CHIT1: variants seen among roughly 807,000 people sequenced by gnomAD.
CHIT1 encodes chitotriosidase-1.
Under a neutral mutation model 52.0 loss-of-function variants are expected in CHIT1, and 47 were observed. The ratio of observed to expected loss-of-function variants is 0.90; its 90% CI spans 0.71 to 1.15. CHIT1 has a LOEUF of 1.15. Ranked by LOEUF, CHIT1 falls within the 50% of genes most tolerant of loss-of-function variation. The pLI, the probability that CHIT1 is intolerant of heterozygous loss-of-function variation, is 0.00. For missense variants in CHIT1, 569 were observed against 583.0 expected, an observed-to-expected ratio of 0.98 and a Z score of 0.25; for synonymous variants, 242 against 228.2, an observed-to-expected ratio of 1.06 and a Z score of -0.54.
At chr1:203,222,366 G>C in intron 6 of CHIT1, 41 bp from the exon 7 acceptor site, 3 of 1,613,868 alleles carry the variant, frequency 1.9e-6, no homozygotes, top group Non-Finnish European at 2.5e-6. Context: ...ACAAGGGATT[G>C]GGGGTGGGGT....
chr1:203,225,554 G>A (rs997025653), intron 3 of CHIT1, 115 bp downstream of exon 3: 2 of 1,087,132 alleles, frequency 1.8e-6, no homozygotes, highest in African/African-American at 3.1e-5. Context: ...CTTGCCCAAA[G>A]CCACACAGTG....
intron 4 of CHIT1, among the ~76,000 whole-genome samples, chr1:203,224,096 C>T (rs1656841212): frequency 6.6e-6 from 1 of 152,186 alleles, no homozygotes. Context: ...TCTCTAATTC[C>T]TTTACTAAGG....
chr1:203,227,731 A>G (rs1656976668), intron 2 of CHIT1, among the ~76,000 whole-genome samples: 1 of 152,230 alleles, frequency 6.6e-6, no homozygotes, highest in South Asian at 2.1e-4. Flanking sequence ...TTATTACTAT[A>G]CTGCAGAAAG....
chr1:203,223,679 G>C lies in CHIT1; in HGVS notation c.315-19C>G, dbSNP rs759433938. On this transcript the variant is annotated intron_variant, in intron 4 of 10. Transcript: ENST00000367229. ...TGTGAACCTGTGAGGTGATGAAGGG[G>C]AGTAAGGGCCGGCCTTGGACCAGAC... The C allele has an allele frequency of 6.2e-7, 1 of 1,614,092 alleles. No individual in the cohort carries two copies.
intron 9 of CHIT1, chr1:203,218,135 G>T: frequency 1.4e-6 from 2 of 1,434,370 alleles, no homozygotes; most frequent in Admixed American, 2.1e-5. Flanking sequence ...TGTCAGTTGT[G>T]TGCACCTCCC....
intron 5 of CHIT1, 32 bp from the exon 6 acceptor site, chr1:203,223,291 G>GGC: frequency 6.2e-7 from 1 of 1,613,364 alleles, no homozygotes; most frequent in Non-Finnish European, 8.5e-7. Context: ...TCAACACAGG[G>GGC]GCGCGCACCA....
chr1:203,221,775 T>C (rs764021827), intron 7 of CHIT1, among the ~76,000 whole-genome samples: 8 of 152,286 alleles, frequency 5.3e-5, no homozygotes, highest in African/African-American at 1.9e-4. Flanking sequence ...TCTGCAGAGA[T>C]GTTATCAACT....
chr1:203,222,139 G>T, intron 7 of CHIT1, 63 bp downstream of exon 7: 1 of 1,609,754 alleles, frequency 6.2e-7, no homozygotes, highest in East Asian at 2.2e-5. Flanking sequence ...GGGCTCAAAA[G>T]AAGCCACCAA....
intron 10 of CHIT1, 181 bp from the exon 11 acceptor site, chr1:203,217,314 C>T: frequency 6.5e-7 from 1 of 1,531,332 alleles, no homozygotes; most frequent in Non-Finnish European, 8.7e-7. Context: ...ACAGCTGAAG[C>T]ACAGTGCCAC....
Position 203,216,557 on chromosome 1 carries a change from A to C in CHIT1, c.*332T>G. 1 of 475,850 alleles carries C rather than the reference A, an allele frequency of 2.1e-6. No homozygotes were observed. Among genetic ancestry groups the C allele is most frequent in the Non-Finnish European group, 4.1e-6 (1 of 241,520 alleles). 29.5% of individuals were successfully genotyped at this position (475,850 alleles called of 1,614,324 possible). On this transcript the variant is annotated 3_prime_UTR_variant, in exon 11 of 11. Transcript: ENST00000367229. The stretch of plus-strand genomic sequence containing the variant: ...ATGGACTCATGGGGCAAGACCTGCC[A>C]CAGGGCCTGGCACATCCTGCACGGA...
chr1:203,225,967 C>G (rs567654632), intron 2 of CHIT1, 97 bp from the exon 3 acceptor site: 83 of 1,286,090 alleles, frequency 6.5e-5, no homozygotes, highest in South Asian at 5.7e-4. Context: ...TTGGACCTCC[C>G]TCTTCTACAC....
chr1:203,219,243 A>G lies in CHIT1; in HGVS notation c.1002T>C (p.Phe334=). The part of the protein sequence containing the change: ...YIFRDNQWVG[F]DDVESFKTKV... ...TGGTTTTGAAGCTCTCCACATCATC[A>G]AAGCCCACCCACTGGTTGTCCCGGA... Residue 334 remains phenylalanine (F), a synonymous_variant, in exon 9 of 11, where the codon TTT becomes TTC. Coordinates refer to ENST00000367229, the MANE Select transcript of CHIT1 (RefSeq NM_003465.3). The G allele has an allele frequency of 6.2e-7, 1 of 1,610,134 alleles. No individual in the cohort carries two copies.
intron 1 of CHIT1, among the ~76,000 whole-genome samples, chr1:203,228,968 G>A (rs554775266): frequency 1.3e-5 from 2 of 152,300 alleles, no homozygotes; most frequent in African/African-American, 2.4e-5. Context: ...CATGGAGAGA[G>A]TTCATCTCCT....
At chr1:203,224,288 G>A (rs968938113) in intron 4 of CHIT1, among the ~76,000 whole-genome samples, 3 of 152,178 alleles carry the variant, frequency 2.0e-5, no homozygotes, top group African/African-American at 4.8e-5. Flanking sequence ...TTAGTGGGAA[G>A]TCCCTGAACT....
chr1:203,223,528 G>T lies in CHIT1; in HGVS notation c.447C>A (p.Ala149=). The stretch of plus-strand genomic sequence containing the variant: ...GGGTTGTGAAGCGCTCCTTGTCTAC[G>T]GCAGGGCTCCCCTGGCTTCCTGGGT... The part of the protein sequence containing the change: ...WEYPGSQGSP[A]VDKERFTTLV... The change falls in exon 5 of 11, where the codon GCC becomes GCA. Residue 149 remains alanine (A), a synonymous_variant. Coordinates refer to ENST00000367229, the MANE Select transcript of CHIT1 (RefSeq NM_003465.3). The T allele has an allele frequency of 1.9e-6, 3 of 1,614,160 alleles. No individual in the cohort carries two copies. Among genetic ancestry groups the T allele is most frequent in the South Asian group, 2.2e-5 (2 of 91,086 alleles).
intron 2 of CHIT1, among the ~76,000 whole-genome samples, chr1:203,228,204 A>G (rs1302879538): frequency 1.3e-5 from 2 of 152,218 alleles, no homozygotes; most frequent in Non-Finnish European, 2.9e-5. Context: ...CAATAATGAG[A>G]GGCAGTACTG....
chr1:203,224,989 C>T lies in CHIT1; in HGVS notation c.314+59G>A. On this transcript the variant is annotated intron_variant, in intron 4 of 10. Coordinates refer to ENST00000367229, the MANE Select transcript of CHIT1 (RefSeq NM_003465.3). ...ATTCCCTGACCAGGGCTCCCTCTGG[C>T]CAGTGCACCAGGTTCCCATCCAGGA... is the stretch of plus-strand genomic sequence containing the variant. 3 of 1,485,044 alleles carry T rather than the reference C, an allele frequency of 2.0e-6. No homozygotes were observed. In the South Asian group the frequency reaches 3.4e-5, roughly 17 times the overall value. 92.0% of individuals were successfully genotyped at this position (1,485,044 alleles called of 1,614,324 possible). A position where few individuals can be genotyped will look rare whatever the true frequency, so the allele number is the denominator to read the frequency against.
At chr1:203,218,640 T>G (rs983939977) in intron 9 of CHIT1, among the ~76,000 whole-genome samples, 2 of 152,104 alleles carry the variant, frequency 1.3e-5, no homozygotes, top group African/African-American at 4.8e-5. Context: ...GAAATACCCT[T>G]CCACCGTGAC....
intron 10 of CHIT1, 45 bp downstream of exon 10, chr1:203,217,694 A>G (rs1571842055): frequency 6.2e-7 from 1 of 1,613,784 alleles, no homozygotes; most frequent in Middle Eastern, 1.7e-4. Flanking sequence ...CTGTGTTTGT[A>G]CCCCACCTCC....
Sources: allele counts gnomAD v4.1 joint callset (sites outside exome capture counted in the v4.1 genomes callset), GRCh38; gene constraint gnomAD v4.1.1; transcripts MANE v1.5; gene names NCBI Gene and HGNC (gene_info 2026-07-23, HGNC 2026-07-21).